Variants in PRDM16 observed in about 807,000 individuals in gnomAD.
PRDM16 encodes PR/SET domain 16, also known as histone-lysine N-methyltransferase PRDM16.
Under a neutral mutation model 110.6 loss-of-function variants are expected in PRDM16, and 23 were observed. The observed-to-expected ratio is 0.21, with a 90% CI of 0.15 to 0.29. The LOEUF is 0.29. Ranked by LOEUF, PRDM16 falls within the 10% of genes least tolerant of loss-of-function variation. The probability of loss-of-function intolerance (pLI) is 1.00; values close to 1 mark genes in which losing one functional copy is unlikely to be tolerated. For synonymous variants in PRDM16, 799 were observed against 781.8 expected, an observed-to-expected ratio of 1.02 and a Z score of -0.37; for missense variants, 1,615 against 1,794.3, an observed-to-expected ratio of 0.90 and a Z score of 1.81.
intron 4 of PRDM16, among the ~76,000 whole-genome samples, chr1:3,387,134 C>G (rs1164969582): frequency 6.6e-6 from 1 of 152,144 alleles, no homozygotes; most frequent in Admixed American, 6.5e-5. Flanking sequence ...ATCCTTTTTG[C>G]CAGGATGGAA....
intron 3 of PRDM16, among the ~76,000 whole-genome samples, chr1:3,301,495 T>C (rs1303465505): frequency 6.6e-6 from 1 of 152,174 alleles, no homozygotes; most frequent in Non-Finnish European, 1.5e-5. Context: ...ACTCCTTTAT[T>C]AAACCCTTGG....
chr1:3,252,481 C>T (rs1394332087), intron 3 of PRDM16, among the ~76,000 whole-genome samples: 3 of 152,116 alleles, frequency 2.0e-5, no homozygotes, highest in Admixed American at 6.5e-5. Flanking sequence ...GTGGGGGCCG[C>T]GGTGGAGGTC....
intron 3 of PRDM16, among the ~76,000 whole-genome samples, chr1:3,289,881 C>T (rs1049856368): frequency 4.0e-5 from 6 of 151,704 alleles, no homozygotes; most frequent in Non-Finnish European, 5.9e-5. Context: ...GACCCCACTC[C>T]TGCCCGGTCA....
chr1:3,186,433 G>C lies in PRDM16; in HGVS notation c.346G>C (p.Val116Leu). 6.4e-7 allele frequency: 1 copy of C among 1,567,942 alleles called. No individual in the cohort carries two copies. Among genetic ancestry groups the C allele is most frequent in the Non-Finnish European group, 8.6e-7 (1 of 1,157,920 alleles). Residue 116 changes from valine (V) to leucine (L), a missense_variant, in exon 2 of 17, where the codon GTG (valine) becomes CTG (leucine). Physicochemically the swap from Val to Leu is conservative, Grantham distance 32. Transcript: ENST00000270722. ...AGERLGPCVV[V>L]PRAAAKETDF... is the part of the protein sequence containing the mutation. Reference sequence around the variant, plus strand: ...GGAGAGGCTGGGCCCCTGCGTGGTGGTGCCCCGGGCGGCGGCAAAGGAGAC... The same window carrying C: ...GGAGAGGCTGGGCCCCTGCGTGGTGCTGCCCCGGGCGGCGGCAAAGGAGAC...
At chr1:3,136,151 C>T (rs1198288856) in intron 1 of PRDM16, among the ~76,000 whole-genome samples, 2 of 152,158 alleles carry the variant, frequency 1.3e-5, no homozygotes, top group African/African-American at 2.4e-5. Flanking sequence ...CGCCATGGGA[C>T]CACCAGCTTT....
chr1:3,275,138 G>A (rs1489174012), intron 3 of PRDM16, among the ~76,000 whole-genome samples: 3 of 152,208 alleles, frequency 2.0e-5, no homozygotes, highest in African/African-American at 4.8e-5. Context: ...AGCAGGAGGC[G>A]GGCCCAGTGG....
intron 5 of PRDM16, among the ~76,000 whole-genome samples, chr1:3,398,842 T>G (rs1643424898): frequency 6.6e-6 from 1 of 152,210 alleles, no homozygotes; most frequent in Non-Finnish European, 1.5e-5. Flanking sequence ...TTCCAATCAC[T>G]ATATTTTGTG....
At chr1:3,118,420 G>C (rs1334435876) in intron 1 of PRDM16, among the ~76,000 whole-genome samples, 2 of 152,274 alleles carry the variant, frequency 1.3e-5, no homozygotes, top group East Asian at 3.9e-4. Flanking sequence ...GGGTGTGCCT[G>C]GACACTCCCT....
chr1:3,418,110 A>G (rs1638320918), intron 11 of PRDM16, 113 bp downstream of exon 11: 1 of 864,024 alleles, frequency 1.2e-6, no homozygotes, highest in South Asian at 1.7e-5. Context: ...ATAGGAAAGC[A>G]CAGCACTGCA....
At chr1:3,186,931 G>A (rs539769881) in intron 2 of PRDM16, among the ~76,000 whole-genome samples, 10 of 152,316 alleles carry the variant, frequency 6.6e-5, no homozygotes, top group South Asian at 4.1e-4. Flanking sequence ...CGCCTGCCCC[G>A]GTCAGCCAGT....
chr1:3,380,242 G>A (rs576645391), intron 3 of PRDM16, among the ~76,000 whole-genome samples: 18 of 151,820 alleles, frequency 1.2e-4, no homozygotes, highest in Admixed American at 2.0e-4. Context: ...AAGGGTTAGC[G>A]CCCACCTGGC....
chr1:3,383,228 T>C lies in PRDM16; in HGVS notation c.439-1924T>C, dbSNP rs551158902. Reference sequence around the variant, plus strand: ...GCTTTGAGTGAATCTCCCACTGCCCTGGATGGAGCCAGAAGGGGCCCAGGG... The same window carrying C: ...GCTTTGAGTGAATCTCCCACTGCCCCGGATGGAGCCAGAAGGGGCCCAGGG... On this transcript the variant is annotated intron_variant, in intron 3 of 16. Coordinates refer to ENST00000270722, the MANE Select transcript of PRDM16 (RefSeq NM_022114.4). Among the ~76,000 whole-genome samples, 9 of 152,314 alleles carry C rather than the reference T, an allele frequency of 5.9e-5. No homozygotes were observed. The South Asian group carries it at 1.9e-3, about 32-fold the overall frequency.
rs1028840932 is a variant in PRDM16, at chr1:3,148,215, CCCTGGGTGCAATCTCATGT to C, written c.38-37891_38-37873del. Among the ~76,000 whole-genome samples the C allele has an allele frequency of 1.3e-5, 2 of 151,946 alleles. No individual in the cohort carries two copies. Among genetic ancestry groups the C allele is most frequent in the Non-Finnish European group, 1.5e-5 (1 of 67,988 alleles). ...TGAAGAAGCTGGGTGCAATCTCATG[CCCTGGGTGCAATCTCATGT>C]CCTGGGTGCAATCTCATGCCCTGGT... On this transcript the variant is annotated intron_variant, in intron 1 of 16. Coordinates refer to ENST00000270722, the MANE Select transcript of PRDM16 (RefSeq NM_022114.4). The surrounding 1 kb of genome is among the most constrained non-coding windows in gnomAD (Gnocchi z 5.0).
Position 3,414,644 on chromosome 1 carries a change from C to G in PRDM16, c.2688C>G (p.Pro896=). The G allele has an allele frequency of 6.2e-7, 1 of 1,612,460 alleles. No individual in the cohort carries two copies. Among genetic ancestry groups the G allele is most frequent in the Non-Finnish European group, 8.5e-7 (1 of 1,179,356 alleles). ...YLRPSPLLFH[P]QMSAIETMTE... The stretch of plus-strand genomic sequence containing the variant: ...GGCCGTCCCCGCTGCTCTTCCACCC[C>G]CAGGTACGTCCTCAGTGCAGGTCAG... The change falls in exon 10 of 17, where the codon CCC becomes CCG. Residue 896 remains proline, a synonymous_variant. Coordinates refer to ENST00000270722, the MANE Select transcript of PRDM16 (RefSeq NM_022114.4).
intron 1 of PRDM16, among the ~76,000 whole-genome samples, chr1:3,184,341 A>G (rs1385700318): frequency 2.0e-5 from 3 of 151,812 alleles, no homozygotes; most frequent in Admixed American, 6.6e-5. Flanking sequence ...CCTGTACTTA[A>G]AAGTTCTGGT....
intron 16 of PRDM16, among the ~76,000 whole-genome samples, chr1:3,432,503 G>C (rs1035371363): frequency 3.9e-5 from 6 of 152,188 alleles, no homozygotes; most frequent in African/African-American, 1.4e-4. Flanking sequence ...CCTGCAGCCC[G>C]GGCTTTTCCC....
rs1329422439 is a variant in PRDM16 at position 3,287,566 on chromosome 1, G to C, written c.438+43429G>C. On this transcript the variant is annotated intron_variant, in intron 3 of 16. Coordinates refer to ENST00000270722, the MANE Select transcript of PRDM16 (RefSeq NM_022114.4). ...GGGCTGGAGCCGCCCCCTGCCACGC[G>C]GGCATCCAGGATTGCATTTACCGGG... 5.5e-4 allele frequency among the ~76,000 whole-genome samples: 23 copies of C among 42,070 alleles called. 3 individuals are homozygous for C. The highest frequency in any genetic ancestry group is 3.5e-3 in the African/African-American group (20 of 5,732). The allele number at this position is 42,070 out of a possible 152,430, so 27.6% of individuals were successfully genotyped here.
At chr1:3,271,243 C>T (rs1166521368) in intron 3 of PRDM16, among the ~76,000 whole-genome samples, 2 of 152,172 alleles carry the variant, frequency 1.3e-5, no homozygotes, top group Non-Finnish European at 2.9e-5. Context: ...GAAGCATTTC[C>T]GCCAATCAAG....
intron 3 of PRDM16, among the ~76,000 whole-genome samples, chr1:3,301,761 G>A (rs1203509201): frequency 3.9e-5 from 6 of 152,180 alleles, no homozygotes; most frequent in Non-Finnish European, 7.3e-5. Flanking sequence ...GACATCCAGG[G>A]TGTACCCAGG....
Sources: allele counts gnomAD v4.1 joint callset (sites outside exome capture counted in the v4.1 genomes callset), GRCh38; gene constraint gnomAD v4.1.1; non-coding constraint Gnocchi (gnomAD v3.1); transcripts MANE v1.5; gene names NCBI Gene and HGNC (gene_info 2026-07-23, HGNC 2026-07-21).